The following GAS2L3 variants were observed in gnomAD, a reference collection of about 807,000 sequenced individuals.
GAS2L3 encodes growth arrest specific 2 like 3.
A neutral mutation model predicts 37.0 loss-of-function variants in GAS2L3; 28 were observed. The ratio of observed to expected loss-of-function variants is 0.76; its 90% CI spans 0.56 to 1.04. The LOEUF (loss-of-function observed/expected upper bound fraction) is 1.04. Among genes scored for constraint, GAS2L3 ranks in the 50% least tolerant of loss-of-function variants. The pLI, the probability that GAS2L3 is intolerant of heterozygous loss-of-function variation, is 0.00. For synonymous variants in GAS2L3, 290 were observed against 296.6 expected (o/e 0.98, Z 0.23); for missense variants, 793 against 817.6 (o/e 0.97, Z 0.37).
Position 100,624,293 on chromosome 12 carries a change from C to T in GAS2L3, c.1488C>T (p.Ser496=). 2 of 1,614,012 alleles carry T rather than the reference C, an allele frequency of 1.2e-6. No homozygotes were observed. Among genetic ancestry groups the T allele is most frequent in the Non-Finnish European group, 1.7e-6 (2 of 1,180,000 alleles). The change falls in exon 10 of 10, where the codon TCC becomes TCT. Residue 496 remains serine (S), a synonymous_variant. Coordinates refer to ENST00000547754, the MANE Select transcript of GAS2L3 (RefSeq NM_174942.3). ...VSHLAAHSNS[S]SKCPKLPKAN... ...ACTTAGCTGCACATTCAAATTCATC[C>T]TCAAAATGTCCCAAGCTGCCTAAAG...
chr12:100,600,365 A>ATT lies in GAS2L3; in HGVS notation c.19-8_19-7dup. On this transcript the variant is annotated splice_polypyrimidine_tract_variant and intron_variant, in intron 3 of 9. Transcript: ENST00000547754. ...AAGGTTTTATTCATTCAGTTGATTG[A>ATT]TTTTTTTTTTCTTTAGGTATGGTTT... 124 of 1,420,368 alleles carry ATT rather than the reference A, an allele frequency of 8.7e-5. No individual in the cohort carries two copies. The highest frequency in any genetic ancestry group is 1.1e-4 in the Non-Finnish European group (115 of 1,048,044). The allele number at this position is 1,420,368 out of a possible 1,614,324, so 88.0% of individuals were successfully genotyped here.
In GAS2L3 at chr12:100,624,084, T is replaced by G; in HGVS notation, c.1279T>G (p.Cys427Gly). 6.2e-7 allele frequency: 1 copy of G among 1,613,946 alleles called. No individual in the cohort carries two copies. Among genetic ancestry groups the G allele is most frequent in the Non-Finnish European group, 8.5e-7 (1 of 1,179,962 alleles). ...ACCAGCTTTACCAAGAACTGCACCT[T>G]GTATATCTGAGTCACCGAGAAAATG... The part of the protein sequence containing the change: ...SSPALPRTAP[C>G]ISESPRKCIS... The change falls in exon 10 of 10, where the codon TGT becomes GGT. Residue 427 changes from cysteine to glycine, a missense_variant. Transcript: ENST00000547754.
Position 100,608,567 on chromosome 12 carries a change from G to C in GAS2L3, c.304-3433G>C, listed in dbSNP as rs548081666. Among the ~76,000 whole-genome samples, 259 of 152,242 alleles carry C rather than the reference G, an allele frequency of 1.7e-3. 2 individuals are homozygous for C. The highest frequency in any genetic ancestry group is 5.9e-3 in the African/African-American group (247 of 41,538). On this transcript the variant is annotated intron_variant, in intron 5 of 9. Transcript: ENST00000547754. Reference sequence around the variant, plus strand: ...GACGGAGTCTCGCTCTGTCGCCCAGGCTGGAGTGCAGTGGCACAATCTCAG... The same window carrying C: ...GACGGAGTCTCGCTCTGTCGCCCAGCCTGGAGTGCAGTGGCACAATCTCAG...
At chr12:100,604,468 G>T in intron 5 of GAS2L3, among the ~76,000 whole-genome samples, 1 of 117,428 alleles carries the variant, frequency 8.5e-6, no homozygotes, top group Non-Finnish European at 1.7e-5. Flanking sequence ...TTTATCAGCT[G>T]TAGTTGTTTT....
chr12:100,618,722 T>A (rs966951778), intron 8 of GAS2L3, 135 bp downstream of exon 8: 14 of 685,284 alleles, frequency 2.0e-5, no homozygotes, highest in Non-Finnish European at 3.2e-5. Context: ...GGTACTATTC[T>A]CCATTCTCTG....
At chr12:100,617,085 T>G (rs1055680923) in intron 6 of GAS2L3, among the ~76,000 whole-genome samples, 1 of 151,894 alleles carries the variant, frequency 6.6e-6, no homozygotes, top group African/African-American at 2.4e-5. Flanking sequence ...GATAATTGGG[T>G]TTTTTTCCTT....
intron 3 of GAS2L3, among the ~76,000 whole-genome samples, chr12:100,598,406 A>G (rs1382649992): frequency 6.6e-6 from 1 of 151,952 alleles, no homozygotes; most frequent in Non-Finnish European, 1.5e-5. Context: ...TCATGACTAA[A>G]CTCAGGTTAT....
intron 1 of GAS2L3, among the ~76,000 whole-genome samples, chr12:100,583,919 A>C (rs1254669191): frequency 6.6e-6 from 1 of 152,204 alleles, no homozygotes; most frequent in East Asian, 1.9e-4. Context: ...AAATAATAAT[A>C]AGAAATAATA....
chr12:100,618,724 C>T (rs1274969244), intron 8 of GAS2L3, 137 bp downstream of exon 8: 1 of 672,828 alleles, frequency 1.5e-6, no homozygotes, highest in African/African-American at 1.9e-5. Context: ...TACTATTCTC[C>T]ATTCTCTGAT....
At chr12:100,605,880 T>C (rs905034461) in intron 5 of GAS2L3, among the ~76,000 whole-genome samples, 1 of 151,950 alleles carries the variant, frequency 6.6e-6, no homozygotes, top group African/African-American at 2.4e-5. Context: ...TTCAGGTTTT[T>C]TTTTTTAATG....
chr12:100,594,155 A>T (rs1481796903), intron 2 of GAS2L3, among the ~76,000 whole-genome samples: 5 of 152,084 alleles, frequency 3.3e-5, no homozygotes, highest in Non-Finnish European at 5.9e-5. Flanking sequence ...AGCAATAAAA[A>T]ATCCTAGGTT....
At position 100,626,368 on chromosome 12, in the gene GAS2L3, G is replaced by T. The variant is rs867292649; in HGVS notation, c.*1478G>T. The T allele has an allele frequency of 1.4e-5, 2 of 147,100 alleles. No individual in the cohort carries two copies. Among genetic ancestry groups the T allele is most frequent in the Non-Finnish European group, 2.9e-5 (2 of 68,006 alleles). The allele number at this position is 147,100 out of a possible 1,614,324, so 9.1% of individuals were successfully genotyped here. On this transcript the variant is annotated 3_prime_UTR_variant, in exon 10 of 10. Coordinates refer to ENST00000547754, the MANE Select transcript of GAS2L3 (RefSeq NM_174942.3). The stretch of plus-strand genomic sequence containing the variant: ...CCTGAAGAGTACAGATAAAATCAAA[G>T]ATGTGTGCAAGCTAGTTTTTGGAAG...
chr12:100,589,538 AC>A (rs1270407086), intron 1 of GAS2L3, among the ~76,000 whole-genome samples: 1 of 152,156 alleles, frequency 6.6e-6, no homozygotes, highest in Non-Finnish European at 1.5e-5. Context: ...CCATCGAAAT[AC>A]CACCATCATT....
intron 5 of GAS2L3, among the ~76,000 whole-genome samples, chr12:100,607,989 T>C (rs1695167023): frequency 6.6e-6 from 1 of 152,136 alleles, no homozygotes; most frequent in South Asian, 2.1e-4. Flanking sequence ...TGTCTAGGCA[T>C]TGAAGAGTTA....
At chr12:100,622,574 C>T (rs1956268964) in intron 9 of GAS2L3, among the ~76,000 whole-genome samples, 192 bp downstream of exon 9, 1 of 66,348 alleles carries the variant, frequency 1.5e-5, no homozygotes, top group African/African-American at 4.5e-5. Context: ...GGTAAACACT[C>T]ATCACAGCAA....
At chr12:100,621,599 G>A (rs1956252194) in intron 8 of GAS2L3, among the ~76,000 whole-genome samples, 3 of 151,898 alleles carry the variant, frequency 2.0e-5, no homozygotes, top group South Asian at 4.1e-4. Context: ...GAGAATAGAT[G>A]TAAATATGTT....
At chr12:100,579,649 A>T in intron 1 of GAS2L3, 2 of 777,978 alleles carry the variant, frequency 2.6e-6, no homozygotes, top group Non-Finnish European at 4.8e-6. Flanking sequence ...GTTCAAGGAC[A>T]TATTTTTCTT....
chr12:100,581,431 G>A (rs1478608443), intron 1 of GAS2L3, among the ~76,000 whole-genome samples: 1 of 152,144 alleles, frequency 6.6e-6, no homozygotes, highest in South Asian at 2.1e-4. Flanking sequence ...AAAGGACTGT[G>A]AAATCAAAAT....
At position 100,582,593 on chromosome 12, in the gene GAS2L3, T is replaced by C. The variant is rs189888037; in HGVS notation, c.-152+8808T>C. ...GGAATTTATGAAAAATATATTTCTT[T>C]TGATGTTTCAAAAGGTTGCCCATGA... is the stretch of plus-strand genomic sequence containing the variant. On this transcript the variant is annotated intron_variant, in intron 1 of 9. Transcript: ENST00000547754. 1.6e-3 allele frequency among the ~76,000 whole-genome samples: 243 copies of C among 152,344 alleles called. 1 individual carries two copies. Among genetic ancestry groups the C allele is most frequent in the African/African-American group, 5.5e-3 (229 of 41,590 alleles).
Sources: allele counts gnomAD v4.1 joint callset (sites outside exome capture counted in the v4.1 genomes callset), GRCh38; gene constraint gnomAD v4.1.1; transcripts MANE v1.5; gene names NCBI Gene and HGNC (gene_info 2026-07-23, HGNC 2026-07-21).